Variants in IYD observed in about 807,000 individuals in gnomAD.
The protein encoded by IYD is iodotyrosine deiodinase, also known as iodotyrosine deiodinase 1.
A neutral mutation model predicts 28.4 loss-of-function variants in IYD; 25 were observed. That is an observed-to-expected ratio of 0.88 (90% CI 0.64 to 1.23). The LOEUF (loss-of-function observed/expected upper bound fraction) is 1.23, where lower values mean the gene tolerates loss of function less well. IYD is among the 50% of genes most tolerant of loss of function. The pLI is 0.00. For missense variants in IYD, 352 were observed against 357.9 expected (o/e 0.98, Z 0.13); for synonymous variants, 140 against 130.8 (o/e 1.07, Z -0.48).
rs960493114 is a variant in IYD at position 150,401,807 on chromosome 6, G to T, written c.*3570G>T. The T allele has an allele frequency of 2.0e-5, 3 of 152,196 alleles. No homozygotes were observed. Among genetic ancestry groups the T allele is most frequent in the African/African-American group, 4.8e-5 (2 of 41,452 alleles). The allele number at this position is 152,196 out of a possible 1,614,324, so 9.4% of individuals were successfully genotyped here. On this transcript the variant is annotated 3_prime_UTR_variant, in exon 5 of 5. Coordinates refer to ENST00000344419, the MANE Select transcript of IYD (RefSeq NM_203395.3). ...ATACTTAATTAAGAAAGTTGAAAAT[G>T]GTTTGTGTCTTACTAATAGGACTCA...
intron 4 of IYD, chr6:150,395,577 A>G: frequency 1.3e-6 from 2 of 1,535,964 alleles, no homozygotes; most frequent in South Asian, 1.2e-5. Flanking sequence ...GTGCCTCTGC[A>G]GCAGGCAGTC....
chr6:150,391,079 G>A (rs640943), intron 2 of IYD, among the ~76,000 whole-genome samples: 107,565 of 151,698 alleles, frequency 0.71, 38,441 homozygotes, highest in African/African-American at 0.77. Context: ...TCTACTAAGT[G>A]TAGAAAAATT....
intron 1 of IYD, among the ~76,000 whole-genome samples, chr6:150,373,743 A>G (rs532966020): frequency 2.0e-5 from 3 of 152,322 alleles, no homozygotes; most frequent in South Asian, 2.1e-4. Flanking sequence ...CAAAAATTCT[A>G]TATTAAGTCA....
intron 1 of IYD, among the ~76,000 whole-genome samples, chr6:150,383,951 A>C (rs1777763148): frequency 6.6e-6 from 1 of 152,200 alleles, no homozygotes; most frequent in South Asian, 2.1e-4. Flanking sequence ...GATACACATC[A>C]TATCAAGCAC....
intron 1 of IYD, among the ~76,000 whole-genome samples, chr6:150,379,983 CT>C (rs1359066027): frequency 6.6e-6 from 1 of 152,164 alleles, no homozygotes; most frequent in African/African-American, 2.4e-5. Context: ...GCTTTTTCTC[CT>C]ATTAATCTGT....
At chr6:150,371,418 A>G (rs544001702) in intron 1 of IYD, among the ~76,000 whole-genome samples, 3 of 152,306 alleles carry the variant, frequency 2.0e-5, no homozygotes, top group Non-Finnish European at 2.9e-5. Context: ...GGCAGGAGAT[A>G]GCCAGCAGGG....
Position 150,402,188 on chromosome 6 carries a change from G to A in IYD, c.*3951G>A, listed in dbSNP as rs890183214. 3 of 152,244 alleles carry A rather than the reference G, an allele frequency of 2.0e-5. No individual in the cohort carries two copies. Among genetic ancestry groups the A allele is most frequent in the African/African-American group, 4.8e-5 (2 of 41,464 alleles). The allele number at this position is 152,244 out of a possible 1,614,324, so 9.4% of individuals were successfully genotyped here. On this transcript the variant is annotated 3_prime_UTR_variant, in exon 5 of 5. Transcript: ENST00000344419. ...CTCTGCAGGCCTGGAAACCCTCCGA[G>A]ACAATTACTTGCATGGGGTAACCCA...
intron 1 of IYD, among the ~76,000 whole-genome samples, chr6:150,385,946 A>G (rs1197968105): frequency 6.6e-6 from 1 of 152,008 alleles, no homozygotes; most frequent in Non-Finnish European, 1.5e-5. Context: ...GTTGAATGAC[A>G]GTAACATCTG....
chr6:150,396,394 A>G (rs1395250274), intron 4 of IYD: 1 of 640,578 alleles, frequency 1.6e-6, no homozygotes, highest in Non-Finnish European at 2.8e-6. Context: ...AGTGAAAGAT[A>G]AAATAATAAT....
At chr6:150,380,384 T>C (rs1263690303) in intron 1 of IYD, among the ~76,000 whole-genome samples, 2 of 152,174 alleles carry the variant, frequency 1.3e-5, no homozygotes, top group African/African-American at 4.8e-5. Context: ...CCTGAGCAGA[T>C]GTCTAAAAAA....
intron 4 of IYD, chr6:150,396,688 C>A (rs78779451): frequency 5.8e-6 from 2 of 342,078 alleles, no homozygotes; most frequent in African/African-American, 2.2e-5. Context: ...TCCTGGCTAA[C>A]ATGGTGAAAC....
At chr6:150,380,159 G>A (rs1170868151) in intron 1 of IYD, among the ~76,000 whole-genome samples, 1 of 152,164 alleles carries the variant, frequency 6.6e-6, no homozygotes, top group Non-Finnish European at 1.5e-5. Context: ...CTTCCAGGAA[G>A]ATTTTGAGAA....
chr6:150,394,144 T>G lies in IYD; in HGVS notation c.576T>G (p.Ile192Met), dbSNP rs561135993. ...KEYLDTAPIL[I>M]LIFKQVHGFA... ...ACTTGGATACTGCCCCTATTTTGAT[T>G]CTCATTTTCAAACAAGTACATGGTT... Residue 192 changes from isoleucine to methionine, a missense_variant, in exon 4 of 5, where the codon ATT becomes ATG. Ile to Met is a conservative substitution (Grantham distance 10). Coordinates refer to ENST00000344419, the MANE Select transcript of IYD (RefSeq NM_203395.3). The G allele has an allele frequency of 1.1e-5, 17 of 1,614,078 alleles. No homozygotes were observed. The highest frequency in any genetic ancestry group is 1.6e-4 in the Middle Eastern group (1 of 6,084).
intron 1 of IYD, chr6:150,370,048 A>G: frequency 2.8e-6 from 2 of 702,190 alleles, no homozygotes; most frequent in Non-Finnish European, 5.2e-6. Context: ...AGCTTGAGCC[A>G]TCTGTGTTTG....
chr6:150,388,630 G>GCTTTCTTTCTTCTTTCTTTCTTTCTTT lies in IYD; in HGVS notation c.179-711_179-710insCTTTCTTTCTTTCTTTCTTTCTTTCTT, dbSNP rs1554231468. Among the ~76,000 whole-genome samples, 19 of 129,364 alleles carry GCTTTCTTTCTTCTTTCTTTCTTTCTTT rather than the reference G, an allele frequency of 1.5e-4. 1 individual carries two copies. Among genetic ancestry groups the GCTTTCTTTCTTCTTTCTTTCTTTCTTT allele is most frequent in the African/African-American group, 5.3e-4 (17 of 32,368 alleles). The allele number at this position is 129,364 out of a possible 152,430, so 84.9% of individuals were successfully genotyped here. A position where few individuals can be genotyped will look rare whatever the true frequency, so the allele number is the denominator to read the frequency against. Reference sequence around the variant, plus strand: ...TCTAGATTTATAGTCTGGAGTTTTTGCTTTCTTTCTTTCTTTCTTTCTTTC... The same window carrying GCTTTCTTTCTTCTTTCTTTCTTTCTTT: ...TCTAGATTTATAGTCTGGAGTTTTTGCTTTCTTTCTTCTTTCTTTCTTTCTTTCTTTCTTTCTTTCTTTCTTTCTTTC... On this transcript the variant is annotated intron_variant, in intron 1 of 4. Coordinates refer to ENST00000344419, the MANE Select transcript of IYD (RefSeq NM_203395.3).
At position 150,398,348 on chromosome 6, in the gene IYD, C is replaced by T; in HGVS notation, c.*111C>T. ...GCTCTTTCTCCAGGTGTCAGGTCCCCTCATTGCTCTTCTCAGGTGGCCACA... is the reference window on the plus strand; with the variant it reads ...GCTCTTTCTCCAGGTGTCAGGTCCCTTCATTGCTCTTCTCAGGTGGCCACA... On this transcript the variant is annotated 3_prime_UTR_variant, in exon 5 of 5. Coordinates refer to ENST00000344419, the MANE Select transcript of IYD (RefSeq NM_203395.3). 9.7e-7 allele frequency: 1 copy of T among 1,027,446 alleles called. No homozygotes were observed. Among genetic ancestry groups the T allele is most frequent in the Non-Finnish European group, 1.5e-6 (1 of 670,838 alleles). The allele number at this position is 1,027,446 out of a possible 1,614,324, so 63.6% of individuals were successfully genotyped here.
chr6:150,392,381 C>T lies in IYD; in HGVS notation c.407C>T (p.Thr136Ile). The T allele has an allele frequency of 6.2e-7, 1 of 1,613,726 alleles. No homozygotes were observed. The highest frequency in any genetic ancestry group is 1.1e-5 in the South Asian group (1 of 91,056). The change falls in exon 3 of 5, where the codon ACC becomes ATC. Residue 136 changes from threonine (T) to isoleucine (I), a missense_variant. Coordinates refer to ENST00000344419, the MANE Select transcript of IYD (RefSeq NM_203395.3). ...APSGAHTEPW[T>I]FVVVKDPDVK... ...AGTGGGGCTCACACAGAGCCCTGGA[C>T]CTTCGTGGTTGTGAAGGACCCAGAC...
chr6:150,398,371 A>T lies in IYD; in HGVS notation c.*134A>T. 1.3e-6 allele frequency: 1 copy of T among 777,616 alleles called. No individual in the cohort carries two copies. Among genetic ancestry groups the T allele is most frequent in the Non-Finnish European group, 2.1e-6 (1 of 467,176 alleles). 48.2% of individuals were successfully genotyped at this position (777,616 alleles called of 1,614,324 possible). ...CCCTCATTGCTCTTCTCAGGTGGCC[A>T]CACTATGTCAAGAAGCCTCTCCACA... On this transcript the variant is annotated 3_prime_UTR_variant, in exon 5 of 5. Transcript: ENST00000344419.
At chr6:150,395,460 T>C in intron 4 of IYD, 2 of 1,537,184 alleles carry the variant, frequency 1.3e-6, no homozygotes, top group Non-Finnish European at 1.7e-6. Flanking sequence ...AGCAGGTAAA[T>C]AATGGAATCA....
Sources: gnomAD v4.1 joint callset for allele counts (sites outside exome capture counted in the v4.1 genomes callset) on GRCh38, gnomAD v4.1.1 for gene constraint, MANE v1.5 for transcripts, NCBI Gene and HGNC (gene_info 2026-07-23, HGNC 2026-07-21) for gene names.